ZNF510: variants seen among roughly 807,000 people sequenced by gnomAD.
ZNF510 encodes the protein zinc finger protein 510.
ZNF510 carries 15 observed loss-of-function variants against 18.1 expected under a neutral mutation model. The observed-to-expected ratio is 0.83, with a 90% CI of 0.55 to 1.28. The LOEUF (loss-of-function observed/expected upper bound fraction) is 1.28, where lower values mean the gene tolerates loss of function less well. Ranked by LOEUF, ZNF510 falls within the 50% of genes most tolerant of loss-of-function variation. The pLI, the probability that ZNF510 is intolerant of heterozygous loss-of-function variation, is 0.00. For synonymous variants in ZNF510, 261 were observed against 266.4 expected (o/e 0.98, Z 0.20); for missense variants, 724 against 791.8 (o/e 0.91, Z 1.03).
intron 3 of ZNF510, among the ~76,000 whole-genome samples, chr9:96,771,443 A>C (rs1025214188): frequency 2.0e-5 from 3 of 151,784 alleles, no homozygotes; most frequent in African/African-American, 4.8e-5. Context: ...AAAAAAAAAA[A>C]AACTCAGGAA....
At chr9:96,775,914 TTGGAGACCA>T in intron 2 of ZNF510, 77 bp downstream of exon 2, 1 of 1,516,852 alleles carries the variant, frequency 6.6e-7, no homozygotes, top group South Asian at 1.3e-5. Flanking sequence ...TATGCCTTCC[TTGGAGACCA>T]TGGAGAAAAG....
In ZNF510 at chr9:96,756,456, T is replaced by C. The variant is rs1849194910; in HGVS notation, c.*2322A>G. The C allele has an allele frequency of 6.6e-6, 1 of 152,200 alleles. No individual in the cohort carries two copies. Among genetic ancestry groups the C allele is most frequent in the East Asian group, 1.9e-4 (1 of 5,186 alleles). The allele number at this position is 152,200 out of a possible 1,614,324, so 9.4% of individuals were successfully genotyped here. A position where few individuals can be genotyped will look rare whatever the true frequency, so the allele number is the denominator to read the frequency against. On this transcript the variant is annotated 3_prime_UTR_variant, in exon 6 of 6. Transcript: ENST00000223428. ...TTTGCTTCGTTCTGGAAAGAGGTGA[T>C]ACATTATTTCCCTTCTAAGAGACAG...
chr9:96,757,300 T>C lies in ZNF510; in HGVS notation c.*1478A>G, dbSNP rs1849217765. The C allele has an allele frequency of 6.6e-6, 1 of 152,078 alleles. No individual in the cohort carries two copies. Among genetic ancestry groups the C allele is most frequent in the Admixed American group, 6.5e-5 (1 of 15,278 alleles). The allele number at this position is 152,078 out of a possible 1,614,324, so 9.4% of individuals were successfully genotyped here. A position where few individuals can be genotyped will look rare whatever the true frequency, so the allele number is the denominator to read the frequency against. The stretch of plus-strand genomic sequence containing the variant: ...TGTGGGGGCAGTACCTCTGTGCAAT[T>C]AAGGCACACTTACGTTGAACTGCAC... On this transcript the variant is annotated 3_prime_UTR_variant, in exon 6 of 6. Coordinates refer to ENST00000223428, the MANE Select transcript of ZNF510 (RefSeq NM_014930.3).
rs751499011 is a variant in ZNF510 at position 96,754,807 on chromosome 9, C to T, written c.*3971G>A. 1.3e-5 allele frequency among the ~76,000 whole-genome samples: 2 copies of T among 152,140 alleles called. No individual in the cohort carries two copies. Among genetic ancestry groups the T allele is most frequent in the African/African-American group, 4.8e-5 (2 of 41,418 alleles). ...AGCAAGTATTTCTGAGTGCCTAATA[C>T]GAAGAGGGACTGCTTCATGTGTTTG... On this transcript the variant is annotated 3_prime_UTR_variant, in exon 6 of 6. Transcript: ENST00000223428.
chr9:96,771,726 C>CAGAT (rs1243419474), intron 3 of ZNF510, among the ~76,000 whole-genome samples: 1 of 152,008 alleles, frequency 6.6e-6, no homozygotes, highest in East Asian at 1.9e-4. Context: ...AAAGAATCCA[C>CAGAT]AGATAAGCTA....
chr9:96,764,182 T>TTTTTTTA (rs1554796096), intron 3 of ZNF510, among the ~76,000 whole-genome samples: 7,760 of 152,222 alleles, frequency 0.051, 640 homozygotes, highest in African/African-American at 0.18. Context: ...ACTTTTTTTT[T>TTTTTTTA]ATTCTTATTT....
Position 96,759,550 on chromosome 9 carries a change from G to A in ZNF510, c.1280C>T (p.Thr427Ile). ...GHLIQHQRTH[T>I]GEKPFECSEC... Reference sequence around the variant, plus strand: ...ACTACATTCAAATGGTTTCTCTCCTGTGTGAGTTCTCTGATGTTGAATGAG... The same window carrying A: ...ACTACATTCAAATGGTTTCTCTCCTATGTGAGTTCTCTGATGTTGAATGAG... Residue 427 changes from threonine to isoleucine, a missense_variant, in exon 6 of 6, where the codon ACA (threonine) becomes ATA (isoleucine). By Grantham distance (89) the Thr-to-Ile change is moderately conservative. Transcript: ENST00000223428. The A allele has an allele frequency of 6.2e-7, 1 of 1,614,108 alleles. No homozygotes were observed. Among genetic ancestry groups the A allele is most frequent in the Non-Finnish European group, 8.5e-7 (1 of 1,179,984 alleles).
Position 96,758,331 on chromosome 9 carries a change from T to C in ZNF510, c.*447A>G, listed in dbSNP as rs976290136. 2.6e-5 allele frequency: 4 copies of C among 156,042 alleles called. No homozygotes were observed. Among genetic ancestry groups the C allele is most frequent in the African/African-American group, 9.6e-5 (4 of 41,534 alleles). The allele number at this position is 156,042 out of a possible 1,614,324, so 9.7% of individuals were successfully genotyped here. A position where few individuals can be genotyped will look rare whatever the true frequency, so the allele number is the denominator to read the frequency against. On this transcript the variant is annotated 3_prime_UTR_variant, in exon 6 of 6. Transcript: ENST00000223428. Reference sequence around the variant, plus strand: ...CTGGTAATTTATTAGGGAAGTCTCTTATGTTTCAGACTGGGATGTGATATA... The same window carrying C: ...CTGGTAATTTATTAGGGAAGTCTCTCATGTTTCAGACTGGGATGTGATATA...
At chr9:96,769,913 A>G (rs1849551779) in intron 3 of ZNF510, among the ~76,000 whole-genome samples, 1 of 152,228 alleles carries the variant, frequency 6.6e-6, no homozygotes. Context: ...AAAAGGGAAA[A>G]TAACAAGTGG....
chr9:96,757,685 T>C lies in ZNF510; in HGVS notation c.*1093A>G, dbSNP rs1011365030. On this transcript the variant is annotated 3_prime_UTR_variant, in exon 6 of 6. Transcript: ENST00000223428. The stretch of plus-strand genomic sequence containing the variant: ...AACCACGGGTATACTGAACCCTGTA[T>C]ATACTATATTTTTTTCCTACATATA... 6.6e-6 allele frequency: 1 copy of C among 152,170 alleles called. No individual in the cohort carries two copies. Among genetic ancestry groups the C allele is most frequent in the Non-Finnish European group, 1.5e-5 (1 of 67,982 alleles). The allele number at this position is 152,170 out of a possible 1,614,324, so 9.4% of individuals were successfully genotyped here. A position where few individuals can be genotyped will look rare whatever the true frequency, so the allele number is the denominator to read the frequency against.
Position 96,776,190 on chromosome 9 carries a change from GTT to G in ZNF510, c.-123_-122del. 6.9e-7 allele frequency: 1 copy of G among 1,447,280 alleles called. No individual in the cohort carries two copies. The allele number at this position is 1,447,280 out of a possible 1,614,324, so 89.7% of individuals were successfully genotyped here. ...TGGAAGCCCTGGTGAGGAGGTCTCT[GTT>G]CTGTCAGAGAGCAGTTCTTCGGTGG... On this transcript the variant is annotated 5_prime_UTR_variant, in exon 2 of 6. Transcript: ENST00000223428.
chr9:96,774,960 C>T, intron 2 of ZNF510, 114 bp from the exon 3 acceptor site: 1 of 801,846 alleles, frequency 1.2e-6, no homozygotes. Flanking sequence ...GTTCCTTTGA[C>T]CTTTGAGAAG....
At chr9:96,776,277 A>C in intron 1 of ZNF510, 32 bp from the exon 2 acceptor site, 1 of 931,958 alleles carries the variant, frequency 1.1e-6, no homozygotes, top group Non-Finnish European at 1.5e-6. Context: ...TGCTCCAGAG[A>C]AGCTGGGGCT....
At position 96,760,377 on chromosome 9, in the gene ZNF510, C is replaced by T; in HGVS notation, c.453G>A (p.Glu151=). 1.2e-6 allele frequency: 2 copies of T among 1,613,770 alleles called. No homozygotes were observed. Among genetic ancestry groups the T allele is most frequent in the Non-Finnish European group, 1.7e-6 (2 of 1,179,870 alleles). The change falls in exon 6 of 6, where the codon GAG becomes GAA. Residue 151 remains glutamate (E), a synonymous_variant. Coordinates refer to ENST00000223428, the MANE Select transcript of ZNF510 (RefSeq NM_014930.3). ...ATGGTTTCCCCAAAACTTTCTCTTCCTCTGTAGTCAATGTTTTATTATTGA... is the reference window on the plus strand; with the variant it reads ...ATGGTTTCCCCAAAACTTTCTCTTCTTCTGTAGTCAATGTTTTATTATTGA... ...ICINNKTLTT[E]EEKVLGKPFT...
intron 3 of ZNF510, among the ~76,000 whole-genome samples, chr9:96,764,401 C>G (rs2117975698): frequency 6.6e-6 from 1 of 152,268 alleles, no homozygotes; most frequent in South Asian, 2.1e-4. Context: ...ATCCTCCCAC[C>G]TTGGCCTCCA....
Position 96,759,256 on chromosome 9 carries a change from A to C in ZNF510, c.1574T>G (p.Phe525Cys). 6.2e-7 allele frequency: 1 copy of C among 1,613,780 alleles called. No individual in the cohort carries two copies. Residue 525 changes from phenylalanine (F) to cysteine (C), a missense_variant, in exon 6 of 6, where the codon TTT becomes TGT. Transcript: ENST00000223428. ...SFQCNQCGKT[F>C]GQKSNLRIHQ... Reference sequence around the variant, plus strand: ...TATTCTGAGGTTTGACTTCTGGCCAAATGTTTTTCCACATTGATTGCATTG... The same window carrying C: ...TATTCTGAGGTTTGACTTCTGGCCACATGTTTTTCCACATTGATTGCATTG...
chr9:96,774,694 T>C, intron 3 of ZNF510, 94 bp downstream of exon 3: 1 of 1,161,532 alleles, frequency 8.6e-7, no homozygotes. Context: ...ATTCCTTGAA[T>C]GATTTTGATC....
intron 2 of ZNF510, among the ~76,000 whole-genome samples, chr9:96,775,221 A>G (rs1849669588): frequency 6.6e-6 from 1 of 151,950 alleles, no homozygotes; most frequent in Non-Finnish European, 1.5e-5. Flanking sequence ...CACTACACCC[A>G]GCTAATTTTT....
rs1285632117 is a variant in ZNF510, at chr9:96,776,033, T to C, written c.37A>G (p.Thr13Ala). The change falls in exon 2 of 6, where the codon ACA (threonine) becomes GCA (alanine). Residue 13 changes from threonine to alanine, a missense_variant. Coordinates refer to ENST00000223428, the MANE Select transcript of ZNF510 (RefSeq NM_014930.3). Reference protein sequence around the residue: ...PHPEAITDCVTLNTVGQLAEG... With the variant: ...PHPEAITDCVALNTVGQLAEG... Reference sequence around the variant, plus strand: ...GCAAGTTGGCCCACAGTGTTCAGTGTCACACAATCTGTGATGGCTTCTGGA... The same window carrying C: ...GCAAGTTGGCCCACAGTGTTCAGTGCCACACAATCTGTGATGGCTTCTGGA... The C allele has an allele frequency of 3.7e-6, 6 of 1,609,274 alleles. No individual in the cohort carries two copies. Among genetic ancestry groups the C allele is most frequent in the East Asian group, 2.2e-5 (1 of 44,846 alleles).
Sources: allele counts gnomAD v4.1 joint callset (sites outside exome capture counted in the v4.1 genomes callset), GRCh38; gene constraint gnomAD v4.1.1; transcripts MANE v1.5; gene names NCBI Gene and HGNC (gene_info 2026-07-23, HGNC 2026-07-21).